ADAMTS19: variants seen among roughly 807,000 people sequenced by gnomAD.
ADAMTS19 encodes the protein ADAM metallopeptidase with thrombospondin type 1 motif 19, also known as A disintegrin and metalloproteinase with thrombospondin motifs 19.
A neutral mutation model predicts 153.3 loss-of-function variants in ADAMTS19; 93 were observed. The ratio of observed to expected loss-of-function variants is 0.61; its 90% confidence interval spans 0.51 to 0.72. The LOEUF (loss-of-function observed/expected upper bound fraction) is 0.72. Ranked by LOEUF, ADAMTS19 falls within the 30% of genes least tolerant of loss-of-function variation. The probability of loss-of-function intolerance (pLI) is 0.00; values close to 1 mark genes in which losing one functional copy is unlikely to be tolerated. For synonymous variants in ADAMTS19, 600 were observed against 556.6 expected (o/e 1.08, Z -1.10); for missense variants, 1,482 against 1,552.1 (o/e 0.95, Z 0.76).
chr5:129,582,010 T>C (rs781297137), intron 7 of ADAMTS19, among the ~76,000 whole-genome samples: 1 of 151,994 alleles, frequency 6.6e-6, no homozygotes, highest in Admixed American at 6.6e-5. Flanking sequence ...AGGAGTGTTT[T>C]ATTTCCAATG....
At chr5:129,585,828 T>G (rs1306304671) in intron 7 of ADAMTS19, among the ~76,000 whole-genome samples, 1 of 152,240 alleles carries the variant, frequency 6.6e-6, no homozygotes, top group Non-Finnish European at 1.5e-5. Context: ...CCAGCTTGTA[T>G]TGTGATGTTG....
intron 6 of ADAMTS19, among the ~76,000 whole-genome samples, chr5:129,547,086 A>G (rs186510053): frequency 6.8e-4 from 102 of 151,074 alleles, no homozygotes; most frequent in Non-Finnish European, 7.5e-4. Flanking sequence ...CCCATATGGA[A>G]GAAATGACTG....
At chr5:129,525,959 A>C (rs542314262) in intron 3 of ADAMTS19, among the ~76,000 whole-genome samples, 29 of 152,134 alleles carry the variant, frequency 1.9e-4, no homozygotes, top group African/African-American at 6.3e-4. Flanking sequence ...TATTTTGTTT[A>C]TATTGGAGCT....
At chr5:129,724,973 C>T (rs753035517) in intron 21 of ADAMTS19, among the ~76,000 whole-genome samples, 163 of 152,206 alleles carry the variant, frequency 1.1e-3, no homozygotes, top group Middle Eastern at 3.4e-3. Context: ...CCCAGGTAGC[C>T]TTTTCCTATT....
At chr5:129,715,953 G>C (rs747890945) in intron 21 of ADAMTS19, among the ~76,000 whole-genome samples, 2 of 152,034 alleles carry the variant, frequency 1.3e-5, no homozygotes, top group Admixed American at 6.5e-5. Context: ...AACTCCCTCT[G>C]TAAAGGTGTG....
At chr5:129,474,246 T>C (rs1002062359) in intron 2 of ADAMTS19, among the ~76,000 whole-genome samples, 3 of 152,178 alleles carry the variant, frequency 2.0e-5, no homozygotes, top group East Asian at 1.9e-4. Context: ...ATTCTTTTTT[T>C]CTTCATGGAT....
At chr5:129,736,742 C>G (rs943216133) in intron 22 of ADAMTS19, among the ~76,000 whole-genome samples, 3 of 152,114 alleles carry the variant, frequency 2.0e-5, no homozygotes, top group African/African-American at 7.2e-5. Flanking sequence ...ATTTATTTTT[C>G]TTTTTAATTT....
intron 7 of ADAMTS19, among the ~76,000 whole-genome samples, chr5:129,555,664 T>G (rs1212048387): frequency 2.6e-5 from 4 of 152,172 alleles, no homozygotes; most frequent in Non-Finnish European, 4.4e-5. Flanking sequence ...TCTACACCAG[T>G]TTCTATCACA....
chr5:129,620,680 G>C lies in ADAMTS19; in HGVS notation c.1541G>C (p.Gly514Ala). The change falls in exon 9 of 23, where the codon GGT (glycine) becomes GCT (alanine). Residue 514 changes from glycine (G) to alanine (A), a missense_variant. Physicochemically the swap from Gly to Ala is moderately conservative, Grantham distance 60 (BLOSUM62 0). This residue lies in a region of ADAMTS19 where 866 missense variants were observed against 827.7 expected (regional missense o/e 1.05). Coordinates refer to ENST00000274487, the MANE Select transcript of ADAMTS19 (RefSeq NM_133638.6). ...GCTGATGGTCTTCATATCATGTCTG[G>C]TGAATGGATTAAAGGACAGAATCTT... ...SCADGLHIMSGEWIKGQNLGD... is the reference protein window; with the variant it reads ...SCADGLHIMSAEWIKGQNLGD... 6.2e-7 allele frequency: 1 copy of C among 1,612,920 alleles called. No individual in the cohort carries two copies. The highest frequency in any genetic ancestry group is 8.5e-7 in the Non-Finnish European group (1 of 1,179,248).
intron 10 of ADAMTS19, among the ~76,000 whole-genome samples, chr5:129,625,191 A>G (rs979336106): frequency 1.1e-4 from 17 of 152,206 alleles, no homozygotes; most frequent in Non-Finnish European, 2.4e-4. Context: ...ACTGCATAGT[A>G]TTCCATGGTG....
intron 6 of ADAMTS19, among the ~76,000 whole-genome samples, chr5:129,542,482 C>G (rs943199444): frequency 6.6e-6 from 1 of 152,214 alleles, no homozygotes; most frequent in Admixed American, 6.6e-5. Context: ...CCATTATAAC[C>G]CTGGGAATAA....
chr5:129,683,661 T>C (rs1216005794), intron 17 of ADAMTS19, among the ~76,000 whole-genome samples: 2 of 151,894 alleles, frequency 1.3e-5, no homozygotes, highest in African/African-American at 2.4e-5. Context: ...ACTCAGCAAC[T>C]TCCTGTCCAT....
chr5:129,509,070 A>T lies in ADAMTS19; in HGVS notation c.748-7A>T, dbSNP rs1456991217. The T allele has an allele frequency of 6.3e-6, 10 of 1,579,624 alleles. No homozygotes were observed. Among genetic ancestry groups the T allele is most frequent in the Non-Finnish European group, 8.6e-6 (10 of 1,163,578 alleles). ...TCTTACATATCTTTTTGTGTTATATATTCCAGATGGGATTTATACAGCTCA... is the reference window on the plus strand; with the variant it reads ...TCTTACATATCTTTTTGTGTTATATTTTCCAGATGGGATTTATACAGCTCA... On this transcript the variant is annotated splice_polypyrimidine_tract_variant and splice_region_variant and intron_variant, in intron 2 of 22. Transcript: ENST00000274487.
chr5:129,684,365 G>T, intron 18 of ADAMTS19, 92 bp downstream of exon 18: 1 of 1,457,350 alleles, frequency 6.9e-7, no homozygotes, highest in Non-Finnish European at 9.2e-7. Context: ...TCCCTAATCT[G>T]CAATTCCAAA....
At chr5:129,572,225 C>G (rs528822863) in intron 7 of ADAMTS19, among the ~76,000 whole-genome samples, 74 of 151,974 alleles carry the variant, frequency 4.9e-4, no homozygotes, top group African/African-American at 1.7e-3. Flanking sequence ...AAAAGATTTG[C>G]AAGTTGCATA....
intron 10 of ADAMTS19, among the ~76,000 whole-genome samples, chr5:129,641,520 C>A (rs1184293648): frequency 2.0e-5 from 3 of 152,232 alleles, no homozygotes; most frequent in South Asian, 4.1e-4. Context: ...TTCTTCCAGC[C>A]TGGTCCATGT....
At chr5:129,670,577 T>A (rs1754258783) in intron 16 of ADAMTS19, among the ~76,000 whole-genome samples, 1 of 152,196 alleles carries the variant, frequency 6.6e-6, no homozygotes, top group Non-Finnish European at 1.5e-5. Context: ...TCTTAGGCAC[T>A]GAACCATGCT....
chr5:129,549,845 T>G (rs540690378), intron 6 of ADAMTS19, among the ~76,000 whole-genome samples: 37 of 131,740 alleles, frequency 2.8e-4, no homozygotes, highest in East Asian at 9.3e-4. Flanking sequence ...TATGTATCTA[T>G]ATATACATAT....
At chr5:129,549,282 A>G (rs1280267386) in intron 6 of ADAMTS19, among the ~76,000 whole-genome samples, 1 of 151,446 alleles carries the variant, frequency 6.6e-6, no homozygotes, top group Non-Finnish European at 1.5e-5. Context: ...ATAGAAAAGG[A>G]TTAAATGCAT....
Sources: allele counts gnomAD v4.1 joint callset (sites outside exome capture counted in the v4.1 genomes callset), GRCh38; gene constraint gnomAD v4.1.1; regional missense constraint gnomAD v4.1.1; transcripts MANE v1.5; gene names NCBI Gene and HGNC (gene_info 2026-07-23, HGNC 2026-07-21).